The following MLIP variants were observed in gnomAD, a reference collection of about 807,000 sequenced individuals.
MLIP encodes the protein muscular LMNA-interacting protein.
In MLIP, 79 loss-of-function variants were observed where a neutral mutation model predicts 84.8. The observed-to-expected ratio is 0.93, with a 90% CI of 0.78 to 1.12. The LOEUF is 1.12. Among genes scored for constraint, MLIP ranks in the 50% most tolerant of loss-of-function variants. The probability of loss-of-function intolerance (pLI) is 0.00; values close to 1 mark genes in which losing one functional copy is unlikely to be tolerated. For synonymous variants in MLIP, 504 were observed against 463.0 expected (o/e 1.09, Z -1.14); for missense variants, 1,257 against 1,160.6 (o/e 1.08, Z -1.21).
chr6:54,165,836 A>G (rs534738713), intron 8 of MLIP, among the ~76,000 whole-genome samples: 1 of 152,066 alleles, frequency 6.6e-6, no homozygotes, highest in South Asian at 2.1e-4. Context: ...AGGTGGGGCC[A>G]TTAGAAAATG....
intron 1 of MLIP, among the ~76,000 whole-genome samples, chr6:54,026,501 TA>T (rs976885081): frequency 1.3e-5 from 2 of 152,184 alleles, no homozygotes; most frequent in African/African-American, 4.8e-5. Context: ...CAAAAGAATC[TA>T]TAGCAAGAAA....
At chr6:54,036,707 C>T (rs780369917) in intron 1 of MLIP, among the ~76,000 whole-genome samples, 4 of 152,012 alleles carry the variant, frequency 2.6e-5, no homozygotes, top group Non-Finnish European at 5.9e-5. Context: ...AATAGAACTA[C>T]TATATGACCC....
intron 11 of MLIP, among the ~76,000 whole-genome samples, chr6:54,211,389 G>A (rs998427832): frequency 2.0e-5 from 3 of 152,112 alleles, no homozygotes; most frequent in African/African-American, 4.8e-5. Flanking sequence ...AATTGCATGC[G>A]GTTGAAGACT....
chr6:54,075,728 G>A (rs537651891), intron 1 of MLIP, among the ~76,000 whole-genome samples: 14 of 152,168 alleles, frequency 9.2e-5, no homozygotes, highest in Non-Finnish European at 1.9e-4. Context: ...ATCTCACAAA[G>A]AGCAGTTTCC....
intron 9 of MLIP, among the ~76,000 whole-genome samples, chr6:54,177,573 G>T (rs1776418493): frequency 2.0e-5 from 3 of 152,290 alleles, no homozygotes; most frequent in Admixed American, 6.5e-5. Flanking sequence ...TGGAGAAATA[G>T]AAATGCTTTT....
intron 1 of MLIP, among the ~76,000 whole-genome samples, chr6:54,063,740 G>A (rs1766110698): frequency 6.6e-6 from 1 of 151,688 alleles, no homozygotes; most frequent in Non-Finnish European, 1.5e-5. Context: ...GTGTGTGTGT[G>A]TGTGTGTGTG....
At chr6:54,156,938 G>T (rs933880135) in intron 5 of MLIP, among the ~76,000 whole-genome samples, 4 of 152,118 alleles carry the variant, frequency 2.6e-5, no homozygotes, top group African/African-American at 9.7e-5. Flanking sequence ...GGCTGACTTT[G>T]CCTGGTGTGA....
At chr6:54,111,798 A>C (rs892008365) in intron 1 of MLIP, among the ~76,000 whole-genome samples, 1 of 152,204 alleles carries the variant, frequency 6.6e-6, no homozygotes, top group Admixed American at 6.5e-5. Flanking sequence ...TGGCACAGTG[A>C]TAATGTAAGA....
At chr6:54,149,169 G>T (rs1168903247) in intron 5 of MLIP, 42 bp downstream of exon 5, 1 of 1,528,154 alleles carries the variant, frequency 6.5e-7, no homozygotes, top group South Asian at 1.2e-5. Flanking sequence ...CATTTTTAAT[G>T]TGATTTTTAA....
intron 11 of MLIP, among the ~76,000 whole-genome samples, chr6:54,228,512 A>T (rs1415838048): frequency 6.6e-6 from 1 of 152,232 alleles, no homozygotes; most frequent in Non-Finnish European, 1.5e-5. Context: ...TAGAGTGAGG[A>T]CAACACCTGA....
At chr6:54,242,984 G>A (rs1384726878) in intron 12 of MLIP, among the ~76,000 whole-genome samples, 1 of 152,186 alleles carries the variant, frequency 6.6e-6, no homozygotes, top group Non-Finnish European at 1.5e-5. Context: ...TCTGTTAGGT[G>A]CAAAGCACTG....
At chr6:54,090,328 T>C (rs1261186215) in intron 1 of MLIP, among the ~76,000 whole-genome samples, 1 of 152,146 alleles carries the variant, frequency 6.6e-6, no homozygotes, top group Non-Finnish European at 1.5e-5. Flanking sequence ...ATAAAAGTTA[T>C]GCACAATAGT....
chr6:54,265,860 G>A, intron 13 of MLIP, 90 bp from the exon 14 acceptor site: 2 of 1,229,444 alleles, frequency 1.6e-6, no homozygotes, highest in Non-Finnish European at 2.3e-6. Context: ...TGTAGGAGAT[G>A]CTATGCCCAA....
At chr6:54,092,647 G>A (rs1272354900) in intron 1 of MLIP, among the ~76,000 whole-genome samples, 1 of 151,554 alleles carries the variant, frequency 6.6e-6, no homozygotes, top group Non-Finnish European at 1.5e-5. Flanking sequence ...TTATTATAAT[G>A]ATATAAATAG....
chr6:54,149,201 T>A, intron 5 of MLIP, 74 bp downstream of exon 5: 1 of 1,351,588 alleles, frequency 7.4e-7, no homozygotes, highest in South Asian at 1.2e-5. Flanking sequence ...AAATTTCTGT[T>A]GGGAAGATTT....
intron 1 of MLIP, among the ~76,000 whole-genome samples, chr6:54,120,258 G>A (rs538959581): frequency 3.6e-4 from 55 of 150,860 alleles, no homozygotes; most frequent in African/African-American, 1.3e-3. Flanking sequence ...TTTTTGAGAC[G>A]GAGTCTCGCT....
intron 3 of MLIP, among the ~76,000 whole-genome samples, chr6:54,125,314 C>T (rs1036281008): frequency 7.2e-5 from 11 of 152,040 alleles, no homozygotes; most frequent in African/African-American, 2.4e-4. Flanking sequence ...TAGTAAAAGA[C>T]TAGTAAAAGG....
intron 12 of MLIP, among the ~76,000 whole-genome samples, chr6:54,250,541 G>A (rs1011043727): frequency 4.6e-5 from 7 of 152,194 alleles, no homozygotes; most frequent in African/African-American, 1.7e-4. Context: ...AAAAAGGAAT[G>A]AGATCATGTC....
At chr6:54,102,978 T>G (rs556117186) in intron 1 of MLIP, among the ~76,000 whole-genome samples, 9 of 152,180 alleles carry the variant, frequency 5.9e-5, no homozygotes, top group Non-Finnish European at 8.8e-5. Flanking sequence ...TTTTATAAAG[T>G]GTGTTGTGTG....
Sources: gnomAD v4.1 joint callset for allele counts (sites outside exome capture counted in the v4.1 genomes callset) on GRCh38, gnomAD v4.1.1 for gene constraint, MANE v1.5 for transcripts, NCBI Gene and HGNC (gene_info 2026-07-23, HGNC 2026-07-21) for gene names.